ZFAND3: variants seen among roughly 807,000 people sequenced by gnomAD.
The protein encoded by ZFAND3 is AN1-type zinc finger protein 3.
ZFAND3 carries 10 observed loss-of-function variants against 29.6 expected under a neutral mutation model. The ratio of observed to expected loss-of-function variants is 0.34; its 90% CI spans 0.21 to 0.57. ZFAND3 has a LOEUF of 0.57. ZFAND3 is among the 20% of genes least tolerant of loss of function. ZFAND3 has a pLI of 0.86. For missense variants in ZFAND3, 230 were observed against 304.5 expected (o/e 0.76, Z 1.82); for synonymous variants, 128 against 112.6 (o/e 1.14, Z -0.87).
At chr6:37,838,055 G>A (rs998463013) in intron 1 of ZFAND3, among the ~76,000 whole-genome samples, 1 of 152,180 alleles carries the variant, frequency 6.6e-6, no homozygotes, top group South Asian at 2.1e-4. Context: ...GCTGCAATCT[G>A]GGTGGTGCTA....
intron 1 of ZFAND3, among the ~76,000 whole-genome samples, chr6:37,832,102 C>T (rs1409080417): frequency 6.6e-6 from 1 of 152,142 alleles, no homozygotes; most frequent in Non-Finnish European, 1.5e-5. Flanking sequence ...AAACAAAACA[C>T]TTGTAATTAC....
At chr6:37,917,292 T>G (rs1027889894) in intron 1 of ZFAND3, among the ~76,000 whole-genome samples, 1 of 152,196 alleles carries the variant, frequency 6.6e-6, no homozygotes, top group African/African-American at 2.4e-5. Context: ...TAGCTCACTT[T>G]ATTTTAATGG....
rs1485250290 is a variant in ZFAND3 at position 38,153,067 on chromosome 6, A to G, written c.*678A>G. ...ACTTTGAAAATTAGCTCCACTCAAG[A>G]CTAGTCCACGAACGAGACCCGCCTT... On this transcript the variant is annotated 3_prime_UTR_variant, in exon 6 of 6. Transcript: ENST00000287218. 2.0e-6 allele frequency: 2 copies of G among 985,492 alleles called. No individual in the cohort carries two copies. The highest frequency in any genetic ancestry group is 9.4e-5 in the South Asian group (2 of 21,282). The allele number at this position is 985,492 out of a possible 1,614,324, so 61.0% of individuals were successfully genotyped here.
In ZFAND3 at chr6:38,061,696, G is replaced by C. The variant is rs536960500; in HGVS notation, c.216G>C (p.Ser72=). ...CCACCAGTGACAACAACAATACCTC[G>C]ATAACCACGCCAACTCTTAGTCCCA... ...EETTSDNNNT[S]ITTPTLSPSQ... is the part of the protein sequence containing the mutation. Residue 72 remains serine, a synonymous_variant, in exon 3 of 6, where the codon TCG becomes TCC. Transcript: ENST00000287218. 1.2e-6 allele frequency: 2 copies of C among 1,614,082 alleles called. No homozygotes were observed. The highest frequency in any genetic ancestry group is 1.7e-5 in the Admixed American group (1 of 60,028).
At chr6:37,835,439 G>A in intron 1 of ZFAND3, among the ~76,000 whole-genome samples, 1 of 150,378 alleles carries the variant, frequency 6.6e-6, no homozygotes. Flanking sequence ...TTACAGGCGT[G>A]AGCCACCATG....
At chr6:37,879,043 G>A (rs942130597) in intron 1 of ZFAND3, among the ~76,000 whole-genome samples, 4 of 152,298 alleles carry the variant, frequency 2.6e-5, no homozygotes, top group African/African-American at 9.6e-5. Context: ...GAATCTCAGA[G>A]GAAGAGCCCC....
intron 3 of ZFAND3, chr6:38,062,684 A>G (rs931475264): frequency 2.6e-5 from 4 of 152,118 alleles, no homozygotes; most frequent in African/African-American, 9.7e-5. Context: ...TTGTCTGCTT[A>G]ATTTTTATAA....
At chr6:37,873,026 A>G (rs1216833950) in intron 1 of ZFAND3, among the ~76,000 whole-genome samples, 2 of 152,200 alleles carry the variant, frequency 1.3e-5, no homozygotes, top group African/African-American at 2.4e-5. Context: ...TGGGAGGCCG[A>G]GGTGGGTGGA....
chr6:38,060,613 A>G (rs762800618), intron 2 of ZFAND3, among the ~76,000 whole-genome samples: 22 of 151,740 alleles, frequency 1.4e-4, no homozygotes, highest in Non-Finnish European at 2.8e-4. Context: ...CACCACCCTC[A>G]GCTCATTTTT....
chr6:37,965,606 C>T (rs1178322298), intron 2 of ZFAND3, among the ~76,000 whole-genome samples: 2 of 150,430 alleles, frequency 1.3e-5, no homozygotes, highest in African/African-American at 2.4e-5. Flanking sequence ...CTGTTCTTCC[C>T]TTCTTGTCCT....
chr6:38,049,854 G>A (rs1431300181), intron 2 of ZFAND3, among the ~76,000 whole-genome samples: 1 of 150,872 alleles, frequency 6.6e-6, no homozygotes, highest in Non-Finnish European at 1.5e-5. Context: ...TTGGGAAAGA[G>A]ATTGACTCTC....
At chr6:37,835,936 A>G (rs897589144) in intron 1 of ZFAND3, among the ~76,000 whole-genome samples, 2 of 152,152 alleles carry the variant, frequency 1.3e-5, no homozygotes, top group African/African-American at 2.4e-5. Context: ...TTCCTTCTTG[A>G]TGAGTATTAT....
chr6:38,063,943 TATAAG>T (rs1470314422), intron 3 of ZFAND3, among the ~76,000 whole-genome samples: 2 of 151,168 alleles, frequency 1.3e-5, no homozygotes, highest in Non-Finnish European at 3.0e-5. Context: ...GTAGAAATCA[TATAAG>T]AGGAGAAAAA....
intron 2 of ZFAND3, among the ~76,000 whole-genome samples, chr6:37,961,802 G>A (rs1018325388): frequency 2.6e-5 from 4 of 152,108 alleles, no homozygotes; most frequent in East Asian, 1.9e-4. Context: ...AGTCCTGCTG[G>A]GCTTGAGGTC....
rs371968424 is a variant in ZFAND3, at chr6:37,883,966, TTGG to T, written c.72-45989_72-45987del. The stretch of plus-strand genomic sequence containing the variant: ...GAGTTTCTGAAGGTTATAGTCATCC[TTGG>T]TGGAGAAAACTTGGATGACCAAGAG... On this transcript the variant is annotated intron_variant, in intron 1 of 5. Coordinates refer to ENST00000287218, the MANE Select transcript of ZFAND3 (RefSeq NM_021943.3). Among the ~76,000 whole-genome samples, 93 of 145,620 alleles carry T rather than the reference TTGG, an allele frequency of 6.4e-4. 4 individuals carry two copies. In the East Asian group the frequency reaches 0.015, roughly 24 times the overall value.
At chr6:37,952,693 G>T (rs1281012117) in intron 2 of ZFAND3, among the ~76,000 whole-genome samples, 1 of 152,032 alleles carries the variant, frequency 6.6e-6, no homozygotes, top group Non-Finnish European at 1.5e-5. Flanking sequence ...AGGATTCTAG[G>T]TCCATAGTGA....
chr6:37,918,557 G>T (rs1561933791), intron 1 of ZFAND3, among the ~76,000 whole-genome samples: 1 of 151,652 alleles, frequency 6.6e-6, no homozygotes, highest in Non-Finnish European at 1.5e-5. Context: ...AATACTTTAG[G>T]TTACTTTTCA....
chr6:37,868,462 G>T lies in ZFAND3; in HGVS notation c.71+48446G>T, dbSNP rs900245784. Among the ~76,000 whole-genome samples, 11 of 152,306 alleles carry T rather than the reference G, an allele frequency of 7.2e-5. 1 individual carries two copies. Among genetic ancestry groups the T allele is most frequent in the Admixed American group, 3.3e-4 (5 of 15,296 alleles). On this transcript the variant is annotated intron_variant, in intron 1 of 5. Transcript: ENST00000287218. The stretch of plus-strand genomic sequence containing the variant: ...TTGGGCAGAGGACATGGCCATTGTA[G>T]TGGGAATATGGGGTACATAGTGGAG...
Position 37,934,400 on chromosome 6 carries a change from C to G in ZFAND3, c.112+4401C>G, listed in dbSNP as rs1367483925. On this transcript the variant is annotated intron_variant, in intron 2 of 5. Transcript: ENST00000287218. Reference sequence around the variant, plus strand: ...TCCAATATTTTCTATGCCAGGATAACTACGACACTTACAGTTAAGTATTCT... The same window carrying G: ...TCCAATATTTTCTATGCCAGGATAAGTACGACACTTACAGTTAAGTATTCT... Among the ~76,000 whole-genome samples the G allele has an allele frequency of 7.2e-5, 11 of 152,108 alleles. No individual in the cohort carries two copies. The South Asian group carries it at 2.1e-3, about 29-fold the overall frequency.
Sources: allele counts gnomAD v4.1 joint callset (sites outside exome capture counted in the v4.1 genomes callset), GRCh38; gene constraint gnomAD v4.1.1; transcripts MANE v1.5; gene names NCBI Gene and HGNC (gene_info 2026-07-23, HGNC 2026-07-21).